The following DPY19L1 variants were observed in gnomAD, a reference collection of about 807,000 sequenced individuals.
DPY19L1 encodes the protein dpy-19 like C-mannosyltransferase 1.
DPY19L1 carries 35 observed loss-of-function variants against 96.9 expected under a neutral mutation model. That is an observed-to-expected ratio of 0.36 (90% CI 0.28 to 0.48). The LOEUF (loss-of-function observed/expected upper bound fraction) is 0.48, where lower values mean the gene tolerates loss of function less well. DPY19L1 is among the 20% of genes least tolerant of loss of function. DPY19L1 has a pLI of 0.99. For synonymous variants in DPY19L1, 205 were observed against 252.6 expected (o/e 0.81, Z 1.79); for missense variants, 521 against 777.9 (o/e 0.67, Z 3.93).
At position 34,931,580 on chromosome 7, in the gene DPY19L1, T is replaced by C. The variant is rs200752794; in HGVS notation, c.2240A>G (p.Lys747Arg). The change falls in exon 22 of 22, where the codon AAA (lysine) becomes AGA (arginine). Residue 747 changes from lysine to arginine, a missense_variant. Physicochemically the swap from Lys to Arg is conservative, Grantham distance 26. Transcript: ENST00000638088. ...CAGCAGGTCATGTAGCAGTCATTCT[T>C]TTACAACTTCTAGGACTTTGTAAAC... Reference protein sequence around the residue: ...NSVYKVLEVVKE With the variant: ...NSVYKVLEVVRE 242 of 1,533,816 alleles carry C rather than the reference T, an allele frequency of 1.6e-4. No individual in the cohort carries two copies. In the African/African-American group the frequency reaches 2.9e-3, roughly 19 times the overall value.
chr7:35,018,658 G>A, intron 1 of DPY19L1, 62 bp from the exon 2 acceptor site: 2 of 1,442,882 alleles, frequency 1.4e-6, no homozygotes, highest in South Asian at 1.2e-5. Flanking sequence ...TTACAGAAAA[G>A]CCATTTCAAA....
At chr7:35,003,916 C>T (rs2128676203) in intron 6 of DPY19L1, among the ~76,000 whole-genome samples, 1 of 152,318 alleles carries the variant, frequency 6.6e-6, no homozygotes, top group South Asian at 2.1e-4. Context: ...CTAGCCCAGG[C>T]ACCTTTATTT....
At chr7:34,951,355 T>G (rs1784262803) in intron 13 of DPY19L1, among the ~76,000 whole-genome samples, 1 of 152,024 alleles carries the variant, frequency 6.6e-6, no homozygotes, top group Non-Finnish European at 1.5e-5. Context: ...TGAACACAAG[T>G]GAAATATTTT....
At chr7:34,994,023 G>A (rs942465832) in intron 6 of DPY19L1, among the ~76,000 whole-genome samples, 10 of 152,124 alleles carry the variant, frequency 6.6e-5, no homozygotes, top group East Asian at 1.9e-4. Flanking sequence ...CTGAGATTGC[G>A]CCGTGGCACT....
At chr7:34,972,561 A>G (rs1285928427) in intron 8 of DPY19L1, among the ~76,000 whole-genome samples, 2 of 152,126 alleles carry the variant, frequency 1.3e-5, no homozygotes, top group African/African-American at 4.8e-5. Context: ...AAGAATGTGA[A>G]TGTGGAAAAA....
chr7:35,026,406 C>G (rs1191915758), intron 1 of DPY19L1, among the ~76,000 whole-genome samples: 1 of 152,188 alleles, frequency 6.6e-6, no homozygotes, highest in African/African-American at 2.4e-5. Flanking sequence ...TTCCACATTA[C>G]TATGTCTGGC....
rs569805822 is a variant in DPY19L1, at chr7:34,967,020, A to C, written c.1015-49T>G. ...AGTAAAAAAGATAAAATGAATAGCT[A>C]CAAGAATGAAGAATATATTTACTGT... On this transcript the variant is annotated intron_variant, in intron 9 of 21. Transcript: ENST00000638088. 3 of 1,353,938 alleles carry C rather than the reference A, an allele frequency of 2.2e-6. No individual in the cohort carries two copies. The East Asian group carries it at 7.7e-5, about 35-fold the overall frequency. The allele number at this position is 1,353,938 out of a possible 1,614,324, so 83.9% of individuals were successfully genotyped here. A position where few individuals can be genotyped will look rare whatever the true frequency, so the allele number is the denominator to read the frequency against.
At chr7:34,984,479 C>T (rs1412493679) in intron 7 of DPY19L1, among the ~76,000 whole-genome samples, 1 of 152,164 alleles carries the variant, frequency 6.6e-6, no homozygotes, top group African/African-American at 2.4e-5. Flanking sequence ...TGACGTGAGA[C>T]AAAATCAGAA....
chr7:34,996,662 T>C (rs920184819), intron 6 of DPY19L1, among the ~76,000 whole-genome samples: 1 of 151,980 alleles, frequency 6.6e-6, no homozygotes. Flanking sequence ...TCTTTAACAA[T>C]GAATGGACCC....
At chr7:34,962,796 A>G (rs565121929) in intron 10 of DPY19L1, among the ~76,000 whole-genome samples, 8 of 152,304 alleles carry the variant, frequency 5.3e-5, no homozygotes, top group African/African-American at 1.4e-4. Flanking sequence ...AGGTTTATCA[A>G]TTGTAACAAA....
intron 1 of DPY19L1, among the ~76,000 whole-genome samples, chr7:35,023,645 T>C (rs1479842126): frequency 6.6e-6 from 1 of 152,162 alleles, no homozygotes; most frequent in Non-Finnish European, 1.5e-5. Flanking sequence ...AATGGGCTTC[T>C]AAGAGGCTAT....
intron 1 of DPY19L1, among the ~76,000 whole-genome samples, chr7:35,023,905 G>A (rs1231255595): frequency 3.0e-5 from 4 of 134,344 alleles, no homozygotes; most frequent in East Asian, 4.3e-4. Flanking sequence ...GCTTGATCTC[G>A]GCTCACTGCA....
chr7:34,988,936 A>G (rs1785105917), intron 7 of DPY19L1, among the ~76,000 whole-genome samples: 2 of 152,244 alleles, frequency 1.3e-5, no homozygotes, highest in Admixed American at 6.5e-5. Flanking sequence ...GCATTTACAC[A>G]TATGAATTCA....
At chr7:34,988,173 A>C (rs1270277408) in intron 7 of DPY19L1, 1 of 152,098 alleles carries the variant, frequency 6.6e-6, no homozygotes. Flanking sequence ...AGAATTAAAA[A>C]CCATAGTATA....
intron 6 of DPY19L1, among the ~76,000 whole-genome samples, chr7:35,009,674 A>C (rs1269764060): frequency 1.3e-5 from 2 of 152,178 alleles, no homozygotes; most frequent in Non-Finnish European, 2.9e-5. Flanking sequence ...AGCCATTGAC[A>C]TTGGAAGAAG....
chr7:34,960,954 T>C (rs1784488433), intron 10 of DPY19L1, among the ~76,000 whole-genome samples: 1 of 152,136 alleles, frequency 6.6e-6, no homozygotes, highest in Non-Finnish European at 1.5e-5. Context: ...GGCACTTAGA[T>C]ACAAATTTAA....
At chr7:35,030,009 T>C (rs1786222957) in intron 1 of DPY19L1, among the ~76,000 whole-genome samples, 1 of 152,230 alleles carries the variant, frequency 6.6e-6, no homozygotes, top group Non-Finnish European at 1.5e-5. Context: ...GGGTAACCTT[T>C]AAGTTCTACA....
chr7:34,965,623 A>G (rs775066645), intron 10 of DPY19L1, among the ~76,000 whole-genome samples: 4 of 152,146 alleles, frequency 2.6e-5, no homozygotes, highest in Admixed American at 6.5e-5. Context: ...TTATTTTATG[A>G]CCGTGTTTAT....
chr7:35,037,817 C>G, upstream of DPY19L1: 1 of 1,227,234 alleles, frequency 8.1e-7, no homozygotes. Context: ...GCTACCCACA[C>G]CTCTTCGGCG....
Sources: allele counts gnomAD v4.1 joint callset (sites outside exome capture counted in the v4.1 genomes callset), GRCh38; gene constraint gnomAD v4.1.1; transcripts MANE v1.5; gene names NCBI Gene and HGNC (gene_info 2026-07-23, HGNC 2026-07-21).